Variants in VWA3A observed in about 807,000 individuals in gnomAD.
The protein encoded by VWA3A is von Willebrand factor A domain containing 3A, also known as von Willebrand factor A domain-containing protein 3A.
VWA3A carries 134 observed loss-of-function variants against 160.4 expected under a neutral mutation model. The ratio of observed to expected loss-of-function variants is 0.84; its 90% CI spans 0.73 to 0.96. The LOEUF is 0.96. VWA3A is among the 40% of genes least tolerant of loss of function. VWA3A has a pLI of 0.00. For synonymous variants in VWA3A, 476 were observed against 543.4 expected (o/e 0.88, Z 1.72); for missense variants, 1,310 against 1,447.9 (o/e 0.90, Z 1.55).
At chr16:22,112,245 G>A (rs1168610353) in intron 8 of VWA3A, among the ~76,000 whole-genome samples, 2 of 152,100 alleles carry the variant, frequency 1.3e-5, no homozygotes, top group East Asian at 3.8e-4. Context: ...GTCCTCGATT[G>A]CCCACCATGT....
intron 2 of VWA3A, among the ~76,000 whole-genome samples, 162 bp downstream of exon 2, chr16:22,097,107 A>C (rs2045338383): frequency 6.6e-6 from 1 of 151,914 alleles, no homozygotes; most frequent in Non-Finnish European, 1.5e-5. Context: ...CTGGGACTAC[A>C]GGTGCCCACC....
At position 22,146,146 on chromosome 16, in the gene VWA3A, C is replaced by A. The variant is rs181884986; in HGVS notation, c.2731-90C>A. 1.7e-3 allele frequency: 1,802 copies of A among 1,054,976 alleles called. 14 individuals are homozygous for A. The Middle Eastern group carries it at 0.022, about 13-fold the overall frequency. The allele number at this position is 1,054,976 out of a possible 1,614,324, so 65.4% of individuals were successfully genotyped here. On this transcript the variant is annotated intron_variant, in intron 26 of 33. Coordinates refer to ENST00000389398, the MANE Select transcript of VWA3A (RefSeq NM_173615.5). ...CAACAAATATTTTGAGAATTGTTAA[C>A]CACAATGGAATAAACAATTTTAGGG...
Position 22,126,317 on chromosome 16 carries a change from TG to T in VWA3A, c.1652+25del. 1.2e-6 allele frequency: 2 copies of T among 1,608,314 alleles called. No homozygotes were observed. Among genetic ancestry groups the T allele is most frequent in the South Asian group, 1.1e-5 (1 of 90,764 alleles). ...CATCGCGTATGTGTCTCCTGGCTCC[TG>T]GGGGCAAGGGTGGGTCGTGTGTGTT... On this transcript the variant is annotated intron_variant, in intron 17 of 33. Coordinates refer to ENST00000389398, the MANE Select transcript of VWA3A (RefSeq NM_173615.5).
intron 6 of VWA3A, among the ~76,000 whole-genome samples, chr16:22,104,761 T>C (rs2045457892): frequency 6.6e-6 from 1 of 152,192 alleles, no homozygotes; most frequent in African/African-American, 2.4e-5. Flanking sequence ...ATGAACACTT[T>C]GATTTGCTTT....
rs188143530 is a variant in VWA3A, at chr16:22,103,479, A to G, written c.433A>G (p.Ile145Val). Reference protein sequence around the residue: ...RHFESKLSDTIEVYQERIQWL... With the variant: ...RHFESKLSDTVEVYQERIQWL... ...GTCTTTCTGATGTCTTGACAGCACT[A>G]TTGAAGTCTATCAAGAGAGAATTCA... The change falls in exon 6 of 34, where the codon ATT (isoleucine) becomes GTT (valine). Residue 145 changes from isoleucine (I) to valine (V), a missense_variant. Coordinates refer to ENST00000389398, the MANE Select transcript of VWA3A (RefSeq NM_173615.5). 1.3e-6 allele frequency: 2 copies of G among 1,551,774 alleles called. No individual in the cohort carries two copies. The highest frequency in any genetic ancestry group is 2.0e-5 in the Admixed American group (1 of 51,000).
intron 21 of VWA3A, among the ~76,000 whole-genome samples, chr16:22,138,103 G>C (rs2046076943): frequency 6.6e-6 from 1 of 152,166 alleles, no homozygotes; most frequent in South Asian, 2.1e-4. Flanking sequence ...GATGTGACTT[G>C]TTGGCATGAG....
At position 22,131,693 on chromosome 16, in the gene VWA3A, C is replaced by A. The variant is rs748712238; in HGVS notation, c.1836C>A (p.Ile612=). 77 of 1,613,878 alleles carry A rather than the reference C, an allele frequency of 4.8e-5. 1 individual carries two copies. Among genetic ancestry groups the A allele is most frequent in the Non-Finnish European group, 6.5e-5 (77 of 1,179,884 alleles). Residue 612 remains isoleucine, a synonymous_variant, in exon 19 of 34, where the codon ATC becomes ATA. Transcript: ENST00000389398. The stretch of plus-strand genomic sequence containing the variant: ...AAGACAAACACCAATCGCAGGGAAT[C>A]TACCTCTTCACTGGGGGCATCCCCG... ...KDKDKHQSQG[I]YLFTGGIPDQ...
Position 22,148,173 on chromosome 16 carries a change from CTGTT to C in VWA3A, c.2854_2857del (p.Phe952AlafsTer25), listed in dbSNP as rs2046287835. ...CTGTCTCGGAGCAGGGAGCCGCCGA[CTGTT>C]TGGCACCGTTTTGGAGAGCAAAGTA... On this transcript the variant is annotated frameshift_variant, in exon 28 of 34. Coordinates refer to ENST00000389398, the MANE Select transcript of VWA3A (RefSeq NM_173615.5). LOFTEE classifies it high-confidence loss of function. The C allele has an allele frequency of 1.9e-6, 3 of 1,601,774 alleles. No individual in the cohort carries two copies. Among genetic ancestry groups the C allele is most frequent in the Non-Finnish European group, 2.6e-6 (3 of 1,174,364 alleles).
At chr16:22,103,607 T>C in intron 6 of VWA3A, 78 bp downstream of exon 6, 1 of 1,486,468 alleles carries the variant, frequency 6.7e-7, no homozygotes, top group Non-Finnish European at 9.1e-7. Flanking sequence ...CAGTTGCAAA[T>C]GTAGACCTCC....
intron 6 of VWA3A, among the ~76,000 whole-genome samples, chr16:22,104,640 A>C (rs145549852): frequency 1.7e-3 from 265 of 152,246 alleles, no homozygotes; most frequent in African/African-American, 5.9e-3. Flanking sequence ...TGATTTTGCC[A>C]CTGCACTCCA....
At chr16:22,102,893 T>C (rs1304908512) in intron 5 of VWA3A, among the ~76,000 whole-genome samples, 1 of 152,082 alleles carries the variant, frequency 6.6e-6, no homozygotes, top group Non-Finnish European at 1.5e-5. Flanking sequence ...CGAGGTTACA[T>C]GAGCAGGTTG....
chr16:22,098,118 G>A (rs1157400275), intron 3 of VWA3A, among the ~76,000 whole-genome samples: 1 of 152,182 alleles, frequency 6.6e-6, no homozygotes, highest in African/African-American at 2.4e-5. Flanking sequence ...ATTTTAGGCT[G>A]ACCTTCAATG....
At chr16:22,109,624 C>G (rs1382049697) in intron 7 of VWA3A, 44 bp downstream of exon 7, 1 of 1,537,574 alleles carries the variant, frequency 6.5e-7, no homozygotes, top group East Asian at 2.3e-5. Flanking sequence ...CCACCCACTA[C>G]CCCCAGCCTT....
At chr16:22,141,776 C>A in intron 24 of VWA3A, 84 bp downstream of exon 24, 2 of 1,186,348 alleles carry the variant, frequency 1.7e-6, no homozygotes, top group Non-Finnish European at 2.4e-6. Flanking sequence ...GGGAAGGAGA[C>A]CCCTCCTGCT....
intron 1 of VWA3A, among the ~76,000 whole-genome samples, chr16:22,094,646 C>A (rs1253583122): frequency 6.6e-6 from 1 of 151,856 alleles, no homozygotes; most frequent in East Asian, 1.9e-4. Context: ...CTCACACGTG[C>A]CTGGGATATA....
At chr16:22,153,834 G>C (rs1431754357) in intron 31 of VWA3A, among the ~76,000 whole-genome samples, 7 of 149,286 alleles carry the variant, frequency 4.7e-5, no homozygotes, top group Admixed American at 3.4e-4. Flanking sequence ...CCACCTCCTG[G>C]GCTCAGGCAA....
In VWA3A at chr16:22,156,760, C is replaced by G. The variant is rs547346594; in HGVS notation, c.*743C>G. 1 of 152,242 alleles carries G rather than the reference C, an allele frequency of 6.6e-6. No homozygotes were observed. Among genetic ancestry groups the G allele is most frequent in the South Asian group, 2.1e-4 (1 of 4,822 alleles). 9.4% of individuals were successfully genotyped at this position (152,242 alleles called of 1,614,324 possible). A position where few individuals can be genotyped will look rare whatever the true frequency, so the allele number is the denominator to read the frequency against. ...GTGAGCCTCAGCACCACCCTCCATC[C>G]CTGCCCAACCAAACTGAAGTGAAGG... On this transcript the variant is annotated 3_prime_UTR_variant, in exon 34 of 34. Coordinates refer to ENST00000389398, the MANE Select transcript of VWA3A (RefSeq NM_173615.5).
At chr16:22,116,895 C>T (rs375771867) in intron 10 of VWA3A, 28 bp downstream of exon 10, 6 of 1,601,294 alleles carry the variant, frequency 3.7e-6, no homozygotes, top group Non-Finnish European at 5.1e-6. Flanking sequence ...TCTGAGGTGC[C>T]CCTTGGCTTT....
rs778922532 is a variant in VWA3A, at chr16:22,144,365, TC to T, written c.2715del (p.Ser906AlafsTer8). The T allele has an allele frequency of 1.7e-5, 27 of 1,613,526 alleles. No individual in the cohort carries two copies. The East Asian group carries it at 6.0e-4, about 36-fold the overall frequency. ...GCATCCGCCAAACACTGCAGCATCT[TC>T]CCCAGCGTTGAGATCCATGTAAGTC... ...RSASAKHCSI[F>X]PSVEIHGVVR... On this transcript the variant is annotated frameshift_variant, in exon 26 of 34. Transcript: ENST00000389398. LOFTEE classifies it high-confidence loss of function.
Sources: allele counts gnomAD v4.1 joint callset (sites outside exome capture counted in the v4.1 genomes callset), GRCh38; gene constraint gnomAD v4.1.1; transcripts MANE v1.5; gene names NCBI Gene and HGNC (gene_info 2026-07-23, HGNC 2026-07-21).